Variants in ADHFE1 observed in about 807,000 individuals in gnomAD.
ADHFE1 encodes the protein hydroxyacid-oxoacid transhydrogenase, mitochondrial.
ADHFE1 carries 37 observed loss-of-function variants against 54.8 expected under a neutral mutation model. The ratio of observed to expected loss-of-function variants is 0.68; its 90% CI spans 0.52 to 0.89. The LOEUF (loss-of-function observed/expected upper bound fraction) is 0.89. Among genes scored for constraint, ADHFE1 ranks in the 40% least tolerant of loss-of-function variants. The probability of loss-of-function intolerance (pLI) is 0.00; values close to 1 mark genes in which losing one functional copy is unlikely to be tolerated. For missense variants in ADHFE1, 601 were observed against 591.2 expected, an observed-to-expected ratio of 1.02 and a Z score of -0.17; for synonymous variants, 203 against 229.3, an observed-to-expected ratio of 0.89 and a Z score of 1.04.
At chr8:66,459,688 TATA>T (rs1806794162) in intron 12 of ADHFE1, 1 of 152,162 alleles carries the variant, frequency 6.6e-6, no homozygotes, top group African/African-American at 2.4e-5. Flanking sequence ...CAGCTGGTTC[TATA>T]ATATTTATTT....
Position 66,448,901 on chromosome 8 carries a change from T to C in ADHFE1, c.665T>C (p.Leu222Pro). ...TSRAIKPTLG[L>P]IDPLHTLHMP... ...AGAGCCATCAAACCCACACTGGGACTGATTGATCCTCTGCACACCCTCCAC... is the reference window on the plus strand; with the variant it reads ...AGAGCCATCAAACCCACACTGGGACCGATTGATCCTCTGCACACCCTCCAC... Residue 222 changes from leucine to proline, a missense_variant, in exon 8 of 14, where the codon CTG becomes CCG. By Grantham distance (98) the Leu-to-Pro change is moderately conservative (BLOSUM62 -3). Transcript: ENST00000396623. 1 of 1,614,198 alleles carries C rather than the reference T, an allele frequency of 6.2e-7. No individual in the cohort carries two copies. Among genetic ancestry groups the C allele is most frequent in the Non-Finnish European group, 8.5e-7 (1 of 1,180,042 alleles).
Position 66,442,786 on chromosome 8 carries a change from T to C in ADHFE1, c.98-12T>C. On this transcript the variant is annotated splice_polypyrimidine_tract_variant and intron_variant, in intron 2 of 13. Coordinates refer to ENST00000396623, the MANE Select transcript of ADHFE1 (RefSeq NM_144650.3). ...TAAAGACCCACTTTGATGCTAACTT[T>C]TACATTTCTAGCCCCTGGACTTTCA... The C allele has an allele frequency of 6.3e-7, 1 of 1,598,292 alleles. No homozygotes were observed. Among genetic ancestry groups the C allele is most frequent in the South Asian group, 1.2e-5 (1 of 86,628 alleles).
rs370897745 is a variant in ADHFE1, at chr8:66,468,378, C to T, written c.*26C>T. On this transcript the variant is annotated 3_prime_UTR_variant, in exon 14 of 14. Transcript: ENST00000396623. ...TTGTCATTTTAACTGAAAGAATTAC[C>T]GCTGGCCATTGTAGTGCTGAGAGCA... 10 of 1,590,534 alleles carry T rather than the reference C, an allele frequency of 6.3e-6. No homozygotes were observed. The highest frequency in any genetic ancestry group is 1.7e-4 in the Middle Eastern group (1 of 5,998).
chr8:66,453,615 C>CCCAGTGGGT (rs745409934), intron 9 of ADHFE1: 806 of 1,071,758 alleles, frequency 7.5e-4, no homozygotes, highest in Non-Finnish European at 9.8e-4. Flanking sequence ...TAAAGAGGCC[C>CCCAGTGGGT]CCAGTGGGTC....
Position 66,460,381 on chromosome 8 carries a change from C to T in ADHFE1, c.1236C>T (p.Phe412=), listed in dbSNP as rs369719961. 5.0e-6 allele frequency: 8 copies of T among 1,614,128 alleles called. No individual in the cohort carries two copies. The highest frequency in any genetic ancestry group is 2.2e-5 in the South Asian group (2 of 91,078). ...CAGACACGCTCCGGAAATTCTTATT[C>T]GATCTGGATGTTGATGATGGCCTAG... is the stretch of plus-strand genomic sequence containing the variant. ...VLADTLRKFL[F]DLDVDDGLAA... is the part of the protein sequence containing the mutation. The change falls in exon 13 of 14, where the codon TTC becomes TTT. Residue 412 remains phenylalanine (F), a synonymous_variant. Transcript: ENST00000396623.
intron 10 of ADHFE1, among the ~76,000 whole-genome samples, chr8:66,454,998 T>C (rs1357900188): frequency 1.3e-5 from 2 of 152,214 alleles, no homozygotes; most frequent in African/African-American, 4.8e-5. Context: ...ATTACAGGCA[T>C]GAGCCACCAC....
intron 13 of ADHFE1, among the ~76,000 whole-genome samples, chr8:66,461,067 G>C (rs1045086280): frequency 6.6e-6 from 1 of 152,224 alleles, no homozygotes; most frequent in Non-Finnish European, 1.5e-5. Flanking sequence ...TAGGTGTAAA[G>C]TTTGCTCTTC....
intron 13 of ADHFE1, among the ~76,000 whole-genome samples, chr8:66,463,449 T>C (rs1258287531): frequency 2.6e-5 from 4 of 152,250 alleles, no homozygotes; most frequent in Non-Finnish European, 4.4e-5. Flanking sequence ...CATGTTTTCA[T>C]GATTCAGAGA....
At chr8:66,437,280 AG>A (rs1805513330) in intron 1 of ADHFE1, among the ~76,000 whole-genome samples, 1 of 152,288 alleles carries the variant, frequency 6.6e-6, no homozygotes, top group African/African-American at 2.4e-5. Flanking sequence ...AGGGGACAGA[AG>A]GGAGAGCTGC....
At chr8:66,452,148 CAT>C in intron 9 of ADHFE1, 43 bp downstream of exon 9, 1 of 1,602,828 alleles carries the variant, frequency 6.2e-7, no homozygotes, top group South Asian at 1.1e-5. Context: ...AGGAGGCCCA[CAT>C]TCTGCCAGCA....
chr8:66,436,706 G>A (rs1421609067), intron 1 of ADHFE1, among the ~76,000 whole-genome samples: 1 of 152,188 alleles, frequency 6.6e-6, no homozygotes, highest in Non-Finnish European at 1.5e-5. Context: ...AGCATCAAAG[G>A]TATTTGAGAC....
At chr8:66,435,601 ATTTTTTTTTTTTTT>A (rs533571994) in intron 1 of ADHFE1, among the ~76,000 whole-genome samples, 31 of 78,260 alleles carry the variant, frequency 4.0e-4, no homozygotes, top group African/African-American at 1.5e-3. Flanking sequence ...TCATTTCAAG[ATTTTTTTTTTTTTT>A]TTTTTTTTTT....
intron 1 of ADHFE1, among the ~76,000 whole-genome samples, chr8:66,433,111 G>C (rs559022488): frequency 1.3e-5 from 2 of 152,102 alleles, no homozygotes; most frequent in Admixed American, 1.3e-4. Context: ...CAGGGAGTCA[G>C]GGTATTCAAT....
At chr8:66,432,707 G>T in intron 1 of ADHFE1, 132 bp downstream of exon 1, 1 of 1,233,414 alleles carries the variant, frequency 8.1e-7, no homozygotes, top group Non-Finnish European at 1.0e-6. Flanking sequence ...ATACCGCCCT[G>T]GGCTCCCACC....
At chr8:66,443,579 CAGGAATGA>C (rs1805877919) in intron 3 of ADHFE1, among the ~76,000 whole-genome samples, 2 of 152,008 alleles carry the variant, frequency 1.3e-5, no homozygotes, top group Non-Finnish European at 2.9e-5. Flanking sequence ...CGCCTGCCTT[CAGGAATGA>C]CTAATTAAAA....
At chr8:66,437,332 A>G (rs932003607) in intron 1 of ADHFE1, among the ~76,000 whole-genome samples, 13 of 152,174 alleles carry the variant, frequency 8.5e-5, no homozygotes, top group African/African-American at 3.1e-4. Flanking sequence ...CGATTTAGGG[A>G]ATGCAAGACA....
At chr8:66,457,009 A>G (rs575365458) in intron 11 of ADHFE1, 61 bp from the exon 12 acceptor site, 3 of 1,558,972 alleles carry the variant, frequency 1.9e-6, no homozygotes, top group South Asian at 2.4e-5. Context: ...CTTAACATCT[A>G]GAATATGCAG....
chr8:66,460,416 G>A lies in ADHFE1; in HGVS notation c.1271G>A (p.Gly424Asp). 1.2e-6 allele frequency: 2 copies of A among 1,613,044 alleles called. No individual in the cohort carries two copies. Among genetic ancestry groups the A allele is most frequent in the African/African-American group, 2.7e-5 (2 of 75,032 alleles). Residue 424 changes from glycine (G) to aspartate (D), a missense_variant, in exon 13 of 14, where the codon GGT becomes GAT. By Grantham distance (94) the Gly-to-Asp change is moderately conservative. Transcript: ENST00000396623. ...LDVDDGLAAVGYSKADIPALV... is the reference protein window; with the variant it reads ...LDVDDGLAAVDYSKADIPALV... ...GTTGATGATGGCCTAGCAGCTGTTG[G>A]TTACTCCAAAGCTGATATCCCCGCA...
chr8:66,466,093 G>C (rs545157956), intron 13 of ADHFE1, among the ~76,000 whole-genome samples: 1 of 148,610 alleles, frequency 6.7e-6, no homozygotes, highest in Admixed American at 6.7e-5. Flanking sequence ...TTTAGAGACA[G>C]AGTCTTGCTC....
Sources: allele counts gnomAD v4.1 joint callset (sites outside exome capture counted in the v4.1 genomes callset), GRCh38; gene constraint gnomAD v4.1.1; transcripts MANE v1.5; gene names NCBI Gene and HGNC (gene_info 2026-07-23, HGNC 2026-07-21).